The following AQP8 variants were observed in gnomAD, a reference collection of about 807,000 sequenced individuals.
AQP8 encodes the protein aquaporin-8.
AQP8 carries 14 observed loss-of-function variants against 26.1 expected under a neutral mutation model. The ratio of observed to expected loss-of-function variants is 0.54; its 90% CI spans 0.35 to 0.84. The LOEUF is 0.84. Among genes scored for constraint, AQP8 ranks in the 40% least tolerant of loss-of-function variants. The pLI is 0.01. For synonymous variants in AQP8, 131 were observed against 150.7 expected (o/e 0.87, Z 0.96); for missense variants, 301 against 340.5 (o/e 0.88, Z 0.91).
At chr16:25,220,001 C>T (rs1023943748) in intron 2 of AQP8, among the ~76,000 whole-genome samples, 3 of 151,800 alleles carry the variant, frequency 2.0e-5, no homozygotes, top group Non-Finnish European at 4.4e-5. Context: ...CACCATTGCA[C>T]TCCAGCCTGG....
chr16:25,225,573 ATT>A (rs539131549), intron 4 of AQP8, among the ~76,000 whole-genome samples: 1 of 150,172 alleles, frequency 6.7e-6, no homozygotes, highest in African/African-American at 2.5e-5. Context: ...CGCCCGGCTA[ATT>A]TTTTTTTGTA....
intron 2 of AQP8, among the ~76,000 whole-genome samples, chr16:25,220,722 A>G (rs986871457): frequency 5.9e-5 from 9 of 152,192 alleles, no homozygotes; most frequent in Admixed American, 1.3e-4. Flanking sequence ...AGTTCAACCA[A>G]TCAGGAGGTC....
chr16:25,228,541 G>A lies in AQP8; in HGVS notation c.*49G>A. 1.3e-6 allele frequency: 2 copies of A among 1,597,600 alleles called. No homozygotes were observed. The highest frequency in any genetic ancestry group is 1.7e-6 in the Non-Finnish European group (2 of 1,165,210). On this transcript the variant is annotated 3_prime_UTR_variant, in exon 6 of 6. Transcript: ENST00000219660. ...TGCTCCAGGTGTCCTCAGCTCACCT[G>A]TCCCAGACTGAGGACAGGGGAGTTC... is the stretch of plus-strand genomic sequence containing the variant.
At chr16:25,219,908 C>G (rs982688911) in intron 2 of AQP8, among the ~76,000 whole-genome samples, 2 of 152,014 alleles carry the variant, frequency 1.3e-5, no homozygotes, top group African/African-American at 2.4e-5. Context: ...GTGGTGGCAG[C>G]CCCGTTATCC....
chr16:25,222,168 T>C (rs1254200622), intron 3 of AQP8, among the ~76,000 whole-genome samples: 1 of 152,098 alleles, frequency 6.6e-6, no homozygotes, highest in Non-Finnish European at 1.5e-5. Context: ...TGGGCTCAAG[T>C]GATCCTCCTG....
At chr16:25,227,691 T>C (rs1176031232) in intron 5 of AQP8, among the ~76,000 whole-genome samples, 1 of 152,036 alleles carries the variant, frequency 6.6e-6, no homozygotes, top group East Asian at 2.0e-4. Context: ...TTTCACCGTG[T>C]TGACCAGGCT....
chr16:25,219,200 G>A (rs1962525347), intron 2 of AQP8, among the ~76,000 whole-genome samples: 1 of 151,588 alleles, frequency 6.6e-6, no homozygotes, highest in Admixed American at 6.6e-5. Flanking sequence ...GGCACAGAGA[G>A]GTTATGTAAC....
intron 2 of AQP8, among the ~76,000 whole-genome samples, chr16:25,221,208 C>T (rs1453606974): frequency 6.6e-6 from 1 of 152,170 alleles, no homozygotes; most frequent in Admixed American, 6.5e-5. Context: ...TCTCCCTACA[C>T]GCTCTTCCTC....
chr16:25,228,734 G>C lies in AQP8; in HGVS notation c.*242G>C. ...GAACACGCTGCCCGCACTGCCCAGA[G>C]AGCAGTGCAAACACCACAACACGAG... is the stretch of plus-strand genomic sequence containing the variant. On this transcript the variant is annotated 3_prime_UTR_variant, in exon 6 of 6. Transcript: ENST00000219660. The C allele has an allele frequency of 4.0e-6, 2 of 494,882 alleles. No homozygotes were observed. Among genetic ancestry groups the C allele is most frequent in the Non-Finnish European group, 7.3e-6 (2 of 272,966 alleles). 30.7% of individuals were successfully genotyped at this position (494,882 alleles called of 1,614,324 possible).
At chr16:25,219,706 C>T (rs1187765581) in intron 2 of AQP8, among the ~76,000 whole-genome samples, 7 of 151,262 alleles carry the variant, frequency 4.6e-5, no homozygotes, top group African/African-American at 1.7e-4. Flanking sequence ...CCCCTCTTCC[C>T]AACCTGTGGA....
intron 5 of AQP8, 44 bp from the exon 6 acceptor site, chr16:25,228,400 C>A: frequency 6.2e-7 from 1 of 1,606,288 alleles, no homozygotes; most frequent in South Asian, 1.1e-5. Context: ...AGGGCTGGGT[C>A]TCACCTCCGG....
chr16:25,228,547 G>C lies in AQP8; in HGVS notation c.*55G>C. The C allele has an allele frequency of 1.3e-6, 2 of 1,582,416 alleles. No homozygotes were observed. Among genetic ancestry groups the C allele is most frequent in the Non-Finnish European group, 1.7e-6 (2 of 1,151,270 alleles). On this transcript the variant is annotated 3_prime_UTR_variant, in exon 6 of 6. Transcript: ENST00000219660. The stretch of plus-strand genomic sequence containing the variant: ...AGGTGTCCTCAGCTCACCTGTCCCA[G>C]ACTGAGGACAGGGGAGTTCCTGCAT...
chr16:25,219,980 A>T (rs2141752799), intron 2 of AQP8, among the ~76,000 whole-genome samples: 1 of 152,146 alleles, frequency 6.6e-6, no homozygotes, highest in Non-Finnish European at 1.5e-5. Context: ...GGTTGCAGTG[A>T]GCCGAGATTG....
intron 4 of AQP8, 138 bp from the exon 5 acceptor site, chr16:25,226,930 C>A: frequency 7.7e-7 from 1 of 1,298,344 alleles, no homozygotes. Context: ...TCTTTAGGAT[C>A]TACCCAGGAG....
Position 25,224,581 on chromosome 16 carries a change from G to C in AQP8, c.602+5G>C. 6.2e-7 allele frequency: 1 copy of C among 1,608,054 alleles called. No homozygotes were observed. On this transcript the variant is annotated splice_donor_5th_base_variant and intron_variant, in intron 4 of 5. Coordinates refer to ENST00000219660, the MANE Select transcript of AQP8 (RefSeq NM_001169.3). ...CACCGTGGATATCCTGGCTGGGTGA[G>C]TGTCCCTTGGCAGTGGGGTGACCAT...
At chr16:25,217,916 A>G (rs1962510133) in intron 2 of AQP8, among the ~76,000 whole-genome samples, 1 of 152,116 alleles carries the variant, frequency 6.6e-6, no homozygotes, top group Non-Finnish European at 1.5e-5. Context: ...CAACATATCT[A>G]TATTGCTAAC....
rs560666207 is a variant in AQP8, at chr16:25,219,834, C to G, written c.261-1623C>G. 5.7e-3 allele frequency among the ~76,000 whole-genome samples: 829 copies of G among 144,988 alleles called. 6 individuals are homozygous for G. The highest frequency in any genetic ancestry group is 8.0e-3 in the African/African-American group (310 of 38,662). On this transcript the variant is annotated intron_variant, in intron 2 of 5. Transcript: ENST00000219660. ...GGTGAATCACCTGAGGTCAGGAGTT[C>G]GAGACCAACCTGGCCAACATGGTGA...
chr16:25,217,090 C>T (rs371818071), intron 1 of AQP8, 33 bp downstream of exon 1: 1 of 1,613,904 alleles, frequency 6.2e-7, no homozygotes, highest in Non-Finnish European at 8.5e-7. Context: ...CCTCTCCAGG[C>T]TGGCAGAGCA....
At position 25,216,961 on chromosome 16, in the gene AQP8, C is replaced by A. The variant is rs1962492932; in HGVS notation, c.-85C>A. On this transcript the variant is annotated 5_prime_UTR_variant, in exon 1 of 6. Transcript: ENST00000219660. ...ATAGTGTGATCAGCAGGTCCTGTCC[C>A]TAGGAGATAAGAGTATCTTGCACAG... 15 of 1,584,506 alleles carry A rather than the reference C, an allele frequency of 9.5e-6. No homozygotes were observed. In the South Asian group the frequency reaches 1.7e-4, roughly 18 times the overall value.
Sources: gnomAD v4.1 joint callset for allele counts (sites outside exome capture counted in the v4.1 genomes callset) on GRCh38, gnomAD v4.1.1 for gene constraint, MANE v1.5 for transcripts, NCBI Gene and HGNC (gene_info 2026-07-23, HGNC 2026-07-21) for gene names.